Variants in CATSPERD observed in about 807,000 individuals in gnomAD.
The protein encoded by CATSPERD is catsper channel auxiliary subunit delta.
In CATSPERD, 86 loss-of-function variants were observed where a neutral mutation model predicts 98.1. That is an observed-to-expected ratio of 0.88 (90% CI 0.74 to 1.05). The LOEUF (loss-of-function observed/expected upper bound fraction) is 1.05. Ranked by LOEUF, CATSPERD falls within the 50% of genes least tolerant of loss-of-function variation. CATSPERD has a pLI of 0.00. For synonymous variants in CATSPERD, 394 were observed against 390.2 expected, an observed-to-expected ratio of 1.01 and a Z score of -0.12; for missense variants, 995 against 1,005.7, an observed-to-expected ratio of 0.99 and a Z score of 0.14.
intron 19 of CATSPERD, 98 bp from the exon 20 acceptor site, chr19:5,772,690 C>G: frequency 8.0e-7 from 1 of 1,253,272 alleles, no homozygotes; most frequent in Admixed American, 2.2e-5. Context: ...CACCTCCCAC[C>G]CCCCAAGCGG....
At position 5,720,689 on chromosome 19, in the gene CATSPERD, A is replaced by G. The variant is rs199982758; in HGVS notation, c.-49A>G. On this transcript the variant is annotated 5_prime_UTR_variant, in exon 1 of 22. Coordinates refer to ENST00000381624, the MANE Select transcript of CATSPERD (RefSeq NM_152784.4). ...CTGCACGTACTCGGATTGTGCAGCG[A>G]CTCCCCGTGGCGGTTGAGGGGCAGT... 1.9e-5 allele frequency: 30 copies of G among 1,565,874 alleles called. No individual in the cohort carries two copies. The East Asian group carries it at 2.3e-4, about 12-fold the overall frequency.
At chr19:5,773,507 T>G (rs1389010741) in intron 20 of CATSPERD, among the ~76,000 whole-genome samples, 1 of 152,082 alleles carries the variant, frequency 6.6e-6, no homozygotes, top group Non-Finnish European at 1.5e-5. Context: ...CGGGCTGTCT[T>G]ACTCAGTGTG....
chr19:5,769,960 A>G (rs1276493338), intron 18 of CATSPERD, among the ~76,000 whole-genome samples: 2 of 151,400 alleles, frequency 1.3e-5, no homozygotes, highest in Non-Finnish European at 2.9e-5. Context: ...GTGGTGGCAC[A>G]TGCCTGTAGT....
At chr19:5,734,332 G>T (rs751369943) in intron 5 of CATSPERD, among the ~76,000 whole-genome samples, 1 of 152,026 alleles carries the variant, frequency 6.6e-6, no homozygotes, top group Non-Finnish European at 1.5e-5. Context: ...GCGAAACCCG[G>T]TCTCTACTAA....
intron 7 of CATSPERD, among the ~76,000 whole-genome samples, chr19:5,742,232 G>A (rs1307632173): frequency 6.6e-6 from 1 of 150,662 alleles, no homozygotes; most frequent in Admixed American, 6.7e-5. Flanking sequence ...GTGTGTGCGT[G>A]TGTGTACGTA....
intron 16 of CATSPERD, among the ~76,000 whole-genome samples, chr19:5,763,586 T>C (rs2056482849): frequency 6.7e-6 from 1 of 149,556 alleles, no homozygotes; most frequent in African/African-American, 2.5e-5. Flanking sequence ...TCTTAGGAGG[T>C]CCCTAGAGTC....
At chr19:5,756,734 C>T (rs909465076) in intron 13 of CATSPERD, among the ~76,000 whole-genome samples, 5 of 151,886 alleles carry the variant, frequency 3.3e-5, no homozygotes, top group Admixed American at 6.6e-5. Context: ...TGCCTAAGCT[C>T]GGGAGTTTGA....
Position 5,778,428 on chromosome 19 carries a change from G to C in CATSPERD, c.2149G>C (p.Val717Leu). The C allele has an allele frequency of 6.2e-7, 1 of 1,613,774 alleles. No homozygotes were observed. Among genetic ancestry groups the C allele is most frequent in the Non-Finnish European group, 8.5e-7 (1 of 1,180,002 alleles). ...FSIYVYGAFPVQLVSAGVVIL... is the reference protein window; with the variant it reads ...FSIYVYGAFPLQLVSAGVVIL... ...CATCTACGTGTATGGAGCATTCCCC[G>C]TGCAGCTGGTCTCTGCTGGAGTCGT... Residue 717 changes from valine to leucine, a missense_variant, in exon 22 of 22, where the codon GTG becomes CTG. Transcript: ENST00000381624.
At chr19:5,739,747 G>T (rs1479367582) in intron 7 of CATSPERD, among the ~76,000 whole-genome samples, 2 of 151,570 alleles carry the variant, frequency 1.3e-5, no homozygotes, top group Non-Finnish European at 2.9e-5. Flanking sequence ...GGCTGAGGTG[G>T]GAGGGTCACT....
At chr19:5,731,543 A>G (rs1032240897) in intron 4 of CATSPERD, among the ~76,000 whole-genome samples, 1 of 149,720 alleles carries the variant, frequency 6.7e-6, no homozygotes, top group Non-Finnish European at 1.5e-5. Context: ...TATTTCTCCT[A>G]AAAGCGACAC....
At chr19:5,774,366 T>G (rs149474973) in intron 20 of CATSPERD, among the ~76,000 whole-genome samples, 2,039 of 152,194 alleles carry the variant, frequency 0.013, 21 homozygotes, top group Admixed American at 0.022. Flanking sequence ...TTTTTTTCCA[T>G]CAGCTGTGGT....
intron 14 of CATSPERD, among the ~76,000 whole-genome samples, chr19:5,758,189 G>T (rs1275613434): frequency 6.6e-6 from 1 of 151,996 alleles, no homozygotes; most frequent in African/African-American, 2.4e-5. Context: ...GAGTTAGTTG[G>T]GTAAACTGAG....
At position 5,751,840 on chromosome 19, in the gene CATSPERD, GT is replaced by G; in HGVS notation, c.1164+21del. On this transcript the variant is annotated intron_variant, in intron 12 of 21. Transcript: ENST00000381624. ...AAGTGCAAGGTATGTGATCCTAACTGTTTTGATCAATGTTCAATGTAGTTTT... is the reference window on the plus strand; with the variant it reads ...AAGTGCAAGGTATGTGATCCTAACTGTTTGATCAATGTTCAATGTAGTTTT... 1 of 1,597,356 alleles carries G rather than the reference GT, an allele frequency of 6.3e-7. No homozygotes were observed. The highest frequency in any genetic ancestry group is 2.3e-5 in the East Asian group (1 of 44,294).
chr19:5,777,463 G>C lies in CATSPERD; in HGVS notation c.2097-913G>C, dbSNP rs577150268. ...CTCCACTGTCACCCACCACTTCCTA[G>C]TTGTTGATGGACCATTTAGTTAATT... On this transcript the variant is annotated intron_variant, in intron 21 of 21. Coordinates refer to ENST00000381624, the MANE Select transcript of CATSPERD (RefSeq NM_152784.4). 9.9e-5 allele frequency among the ~76,000 whole-genome samples: 15 copies of C among 152,278 alleles called. 1 individual carries two copies. The South Asian group carries it at 3.1e-3, about 32-fold the overall frequency.
chr19:5,769,314 A>T (rs11878678), intron 18 of CATSPERD, among the ~76,000 whole-genome samples: 86,238 of 132,656 alleles, frequency 0.65, 29,172 homozygotes, highest in East Asian at 0.81. Flanking sequence ...AAAAAAAAAA[A>T]GAGGGTGGTG....
intron 13 of CATSPERD, among the ~76,000 whole-genome samples, chr19:5,756,016 C>T (rs1473334544): frequency 2.6e-5 from 4 of 151,928 alleles, no homozygotes; most frequent in Admixed American, 2.0e-4. Flanking sequence ...CGCGGTGGCT[C>T]ACGCCTGTAA....
chr19:5,749,870 C>G (rs1317386859), intron 11 of CATSPERD, among the ~76,000 whole-genome samples: 2 of 147,702 alleles, frequency 1.4e-5, no homozygotes, highest in African/African-American at 5.0e-5. Context: ...ACAGCACAAT[C>G]TTGGCTCACT....
chr19:5,768,802 C>T (rs941266032), intron 18 of CATSPERD, among the ~76,000 whole-genome samples: 10 of 152,042 alleles, frequency 6.6e-5, no homozygotes, highest in African/African-American at 1.9e-4. Context: ...ACTGCCACGC[C>T]CATACGAGAG....
At position 5,744,414 on chromosome 19, in the gene CATSPERD, G is replaced by C. The variant is rs2056056064; in HGVS notation, c.574-13G>C. 1 of 1,606,708 alleles carries C rather than the reference G, an allele frequency of 6.2e-7. No individual in the cohort carries two copies. Among genetic ancestry groups the C allele is most frequent in the African/African-American group, 1.3e-5 (1 of 74,700 alleles). On this transcript the variant is annotated splice_polypyrimidine_tract_variant and intron_variant, in intron 7 of 21. Coordinates refer to ENST00000381624, the MANE Select transcript of CATSPERD (RefSeq NM_152784.4). ...GATTTATTCATCTGAAGTCTTTTCT[G>C]TTTGTTTCATAGGCAGAAATCATTG...
Sources: gnomAD v4.1 joint callset for allele counts (sites outside exome capture counted in the v4.1 genomes callset) on GRCh38, gnomAD v4.1.1 for gene constraint, MANE v1.5 for transcripts, NCBI Gene and HGNC (gene_info 2026-07-23, HGNC 2026-07-21) for gene names.